The following BCL11A variants were observed in gnomAD, a reference collection of about 807,000 sequenced individuals.
BCL11A encodes the protein B cell CLL/lymphoma 11A.
Under a neutral mutation model 55.9 loss-of-function variants are expected in BCL11A, and 2 were observed. The observed-to-expected ratio is 0.04, with a 90% confidence interval of 0.01 to 0.11. BCL11A has a LOEUF of 0.11. BCL11A is among the 10% of genes least tolerant of loss of function. The probability of loss-of-function intolerance (pLI) is 1.00; values close to 1 mark genes in which losing one functional copy is unlikely to be tolerated. For synonymous variants in BCL11A, 465 were observed against 473.4 expected (o/e 0.98, Z 0.23); for missense variants, 817 against 1,137.1 (o/e 0.72, Z 4.05).
At chr2:60,532,318 T>C (rs545811195) in intron 2 of BCL11A, among the ~76,000 whole-genome samples, 2 of 151,306 alleles carry the variant, frequency 1.3e-5, no homozygotes, top group Non-Finnish European at 2.9e-5. Flanking sequence ...TGTTGCTTTT[T>C]GGTTTTTGGG....
At chr2:60,494,677 GAAT>G (rs971131447) in intron 2 of BCL11A, among the ~76,000 whole-genome samples, 1 of 152,098 alleles carries the variant, frequency 6.6e-6, no homozygotes, top group Non-Finnish European at 1.5e-5. Flanking sequence ...CGTAAAATAG[GAAT>G]AATAATAGTA....
At chr2:60,526,567 T>C (rs1669211559) in intron 2 of BCL11A, 1 of 152,190 alleles carries the variant, frequency 6.6e-6, no homozygotes, top group Admixed American at 6.5e-5. Context: ...CAGGGACAAA[T>C]GAGCTCTGAT....
chr2:60,461,608 G>A lies in BCL11A; in HGVS notation c.1304C>T (p.Thr435Met), dbSNP rs768965403. ...KTHMHKSSPM[T>M]VKSDDGLSTA... ...GGAGAGACCGTCGTCGGACTTGACC[G>A]TCATGGGGGACGATTTGTGCATGTG... The change falls in exon 4 of 4, where the codon ACG (threonine) becomes ATG (methionine). Residue 435 changes from threonine (T) to methionine (M), a missense_variant. By Grantham distance (81) the Thr-to-Met change is moderately conservative (BLOSUM62 -1). Around this residue, in one of 4 missense-constraint regions of BCL11A, gnomAD observed 45 missense variants for 109.0 expected, o/e 0.41. Transcript: ENST00000642384. 2 of 1,613,524 alleles carry A rather than the reference G, an allele frequency of 1.2e-6. No individual in the cohort carries two copies. Among genetic ancestry groups the A allele is most frequent in the Non-Finnish European group, 1.7e-6 (2 of 1,180,034 alleles).
chr2:60,481,324 ATGAAGCAGGGATCCT>A (rs1475911547), intron 2 of BCL11A, among the ~76,000 whole-genome samples: 2 of 152,084 alleles, frequency 1.3e-5, no homozygotes, highest in African/African-American at 2.4e-5. Context: ...GAAAACAAAA[ATGAAGCAGGGATCCT>A]AGGAAAAGTA....
rs1352331435 is a variant in BCL11A, at chr2:60,461,461, T to C, written c.1451A>G (p.Asp484Gly). 6.2e-7 allele frequency: 1 copy of C among 1,604,348 alleles called. No homozygotes were observed. The highest frequency in any genetic ancestry group is 1.1e-5 in the South Asian group (1 of 90,952). Residue 484 changes from aspartate to glycine, a missense_variant, in exon 4 of 4, where the codon GAC (aspartate) becomes GGC (glycine). Coordinates refer to ENST00000642384, the MANE Select transcript of BCL11A (RefSeq NM_022893.4). Reference protein sequence around the residue: ...NDPNLIPENGDEEEEEDDEEE... With the variant: ...NDPNLIPENGGEEEEEDDEEE... ...CTCGTCGTCCTCCTCTTCCTCCTCG[T>C]CCCCGTTCTCCGGGATCAGGTTGGG...
At chr2:60,542,567 C>A (rs1161485811) in intron 2 of BCL11A, 2 of 152,194 alleles carry the variant, frequency 1.3e-5, no homozygotes, top group African/African-American at 4.8e-5. Context: ...TAAATTAATA[C>A]TACTTCAATG....
downstream of BCL11A, chr2:60,452,557 TG>T (rs751555664): frequency 1.9e-6 from 3 of 1,609,386 alleles, no homozygotes; most frequent in East Asian, 2.2e-5. Context: ...ACCCCACCCC[TG>T]GGGGCTTCAA....
At chr2:60,488,545 T>G (rs981380174) in intron 2 of BCL11A, among the ~76,000 whole-genome samples, 2 of 152,214 alleles carry the variant, frequency 1.3e-5, no homozygotes, top group Non-Finnish European at 2.9e-5. Context: ...ACTTATACAA[T>G]TCACTGGAAA....
chr2:60,456,255 T>C (rs1675928233), downstream of BCL11A, among the ~76,000 whole-genome samples: 1 of 151,968 alleles, frequency 6.6e-6, no homozygotes, highest in South Asian at 2.1e-4. Context: ...CAATGTCGTA[T>C]TCATTCATCT....
Position 60,460,135 on chromosome 2 carries a change from C to G in BCL11A, c.*269G>C, listed in dbSNP as rs1189942742. On this transcript the variant is annotated 3_prime_UTR_variant, in exon 4 of 4. Transcript: ENST00000642384. ...TAAAATGCAATAGTATTGCCCCATA[C>G]AGATCATGCATTCAAACGGTGAGAA... The G allele has an allele frequency of 8.3e-7, 1 of 1,199,542 alleles. No homozygotes were observed. Among genetic ancestry groups the G allele is most frequent in the Non-Finnish European group, 1.0e-6 (1 of 974,924 alleles). 74.3% of individuals were successfully genotyped at this position (1,199,542 alleles called of 1,614,324 possible). A position where few individuals can be genotyped will look rare whatever the true frequency, so the allele number is the denominator to read the frequency against.
At chr2:60,499,464 G>C (rs550502706) in intron 2 of BCL11A, among the ~76,000 whole-genome samples, 10 of 152,320 alleles carry the variant, frequency 6.6e-5, no homozygotes, top group South Asian at 4.1e-4. Flanking sequence ...TATAGATAAA[G>C]AGCCTGAGGC....
At chr2:60,509,814 G>A (rs1679883166) in intron 2 of BCL11A, among the ~76,000 whole-genome samples, 1 of 152,094 alleles carries the variant, frequency 6.6e-6, no homozygotes, top group South Asian at 2.1e-4. Context: ...TCCTGAACAG[G>A]GCAGTAGTCT....
At chr2:60,523,442 T>C (rs1281886632) in intron 2 of BCL11A, among the ~76,000 whole-genome samples, 1 of 152,218 alleles carries the variant, frequency 6.6e-6, no homozygotes, top group African/African-American at 2.4e-5. Flanking sequence ...CAAAAACTTC[T>C]ATATTGATTT....
At chr2:60,462,823 T>C (rs1676392131) in intron 3 of BCL11A, among the ~76,000 whole-genome samples, 1 of 152,206 alleles carries the variant, frequency 6.6e-6, no homozygotes, top group African/African-American at 2.4e-5. Context: ...AGTGAGAAAC[T>C]TGGACAAGGT....
intron 3 of BCL11A, among the ~76,000 whole-genome samples, chr2:60,468,026 G>GTGATGGTGGTAGTGGTGATGGTAC (rs1676963395): frequency 1.1e-5 from 1 of 87,834 alleles, no homozygotes; most frequent in Non-Finnish European, 2.5e-5. Context: ...GGTGGTGGTA[G>GTGATGGTGGTAGTGGTGATGGTAC]TGGTGGTGAT....
downstream of BCL11A, chr2:60,452,862 C>T (rs1675783913): frequency 1.9e-6 from 1 of 528,814 alleles, no homozygotes; most frequent in Non-Finnish European, 3.4e-6. Flanking sequence ...AGTCGTCTTC[C>T]CATGCCTCCC....
intron 1 of BCL11A, among the ~76,000 whole-genome samples, chr2:60,552,478 GCAGCGGGACAAACACC>G (rs1670455296): frequency 6.6e-6 from 1 of 152,062 alleles, no homozygotes; most frequent in African/African-American, 2.4e-5. Context: ...GGCACAAAAG[GCAGCGGGACAAACACC>G]CACCTCTGGC....
In BCL11A at chr2:60,513,482, G is replaced by C. The variant is rs112260574; in HGVS notation, c.385+32489C>G. ...CACCCCATGGGAACCCCTTTGGCAGGTGTGGGTGTTGGGTTAGCCTCTAGC... is the reference window on the plus strand; with the variant it reads ...CACCCCATGGGAACCCCTTTGGCAGCTGTGGGTGTTGGGTTAGCCTCTAGC... On this transcript the variant is annotated intron_variant, in intron 2 of 3. Coordinates refer to ENST00000642384, the MANE Select transcript of BCL11A (RefSeq NM_022893.4). Among the ~76,000 whole-genome samples, 454 of 152,292 alleles carry C rather than the reference G, an allele frequency of 3.0e-3. 1 individual carries two copies. The highest frequency in any genetic ancestry group is 0.01 in the African/African-American group (434 of 41,552).
intron 2 of BCL11A, among the ~76,000 whole-genome samples, chr2:60,541,001 GT>G (rs368142128): frequency 7.3e-6 from 1 of 137,098 alleles, no homozygotes; most frequent in Non-Finnish European, 1.6e-5. Context: ...TGGTTATTTT[GT>G]TTTTTTGTTT....
Sources: gnomAD v4.1 joint callset for allele counts (sites outside exome capture counted in the v4.1 genomes callset) on GRCh38, gnomAD v4.1.1 for gene constraint, gnomAD v4.1.1 regional missense constraint, MANE v1.5 for transcripts, NCBI Gene and HGNC (gene_info 2026-07-23, HGNC 2026-07-21) for gene names.